The following SYT1 variants were observed in gnomAD, a reference collection of about 807,000 sequenced individuals.
SYT1 encodes synaptotagmin-1.
SYT1 carries 8 observed loss-of-function variants against 44.8 expected under a neutral mutation model. That is an observed-to-expected ratio of 0.18 (90% confidence interval 0.10 to 0.32). The LOEUF (loss-of-function observed/expected upper bound fraction) is 0.32, where lower values mean the gene tolerates loss of function less well. Among genes scored for constraint, SYT1 ranks in the 10% least tolerant of loss-of-function variants. The pLI is 1.00. For synonymous variants in SYT1, 154 were observed against 188.8 expected (o/e 0.82, Z 1.51); for missense variants, 286 against 509.3 (o/e 0.56, Z 4.22).
At chr12:78,904,654 A>G (rs1274799495) in intron 1 of SYT1, among the ~76,000 whole-genome samples, 3 of 152,174 alleles carry the variant, frequency 2.0e-5, no homozygotes, top group Non-Finnish European at 2.9e-5. Context: ...GGGAAGAGAT[A>G]CATATTCCAT....
At chr12:79,284,961 T>A (rs1879236828) in intron 4 of SYT1, among the ~76,000 whole-genome samples, 1 of 152,134 alleles carries the variant, frequency 6.6e-6, no homozygotes, top group African/African-American at 2.4e-5. Flanking sequence ...TGGGTACCAC[T>A]GTAATCTTCA....
At chr12:79,312,732 AC>A (rs1880870956) in intron 8 of SYT1, among the ~76,000 whole-genome samples, 1 of 142,514 alleles carries the variant, frequency 7.0e-6, no homozygotes. Context: ...TTTTGGCACC[AC>A]TTTTTTCTTT....
chr12:79,331,175 C>T (rs1005034789), intron 8 of SYT1, among the ~76,000 whole-genome samples: 3 of 152,142 alleles, frequency 2.0e-5, no homozygotes, highest in Non-Finnish European at 4.4e-5. Flanking sequence ...CACCTATAAG[C>T]GACATCATTG....
At chr12:79,135,173 T>TA (rs1272970585) in intron 3 of SYT1, among the ~76,000 whole-genome samples, 1 of 152,108 alleles carries the variant, frequency 6.6e-6, no homozygotes, top group Admixed American at 6.6e-5. Context: ...TACATATGTA[T>TA]ACATGTGCCA....
chr12:79,109,908 G>A (rs1878920654), intron 3 of SYT1, among the ~76,000 whole-genome samples: 1 of 152,086 alleles, frequency 6.6e-6, no homozygotes, highest in Non-Finnish European at 1.5e-5. Context: ...TGCATCTACA[G>A]CAAGTTTTCC....
At chr12:79,087,344 A>T (rs1218354792) in intron 3 of SYT1, among the ~76,000 whole-genome samples, 1 of 152,148 alleles carries the variant, frequency 6.6e-6, no homozygotes, top group African/African-American at 2.4e-5. Context: ...TAAATAGGAC[A>T]TTTATTTGAA....
intron 9 of SYT1, among the ~76,000 whole-genome samples, chr12:79,398,950 C>T (rs928590331): frequency 6.6e-6 from 1 of 152,104 alleles, no homozygotes; most frequent in South Asian, 2.1e-4. Context: ...AGTCACTGTC[C>T]AGCTCAACAC....
At chr12:78,923,564 T>A (rs184661595) in intron 1 of SYT1, among the ~76,000 whole-genome samples, 2,164 of 150,530 alleles carry the variant, frequency 0.014, 63 homozygotes, top group African/African-American at 0.05. Flanking sequence ...TTAAAAAAAA[T>A]TTATTTTGAC....
intron 3 of SYT1, among the ~76,000 whole-genome samples, chr12:79,052,958 A>G (rs1323232109): frequency 6.6e-6 from 1 of 152,164 alleles, no homozygotes; most frequent in Non-Finnish European, 1.5e-5. Context: ...GTGATTCCTC[A>G]GGGATCTAGA....
chr12:79,344,667 G>A (rs1882528434), intron 8 of SYT1, among the ~76,000 whole-genome samples: 1 of 152,128 alleles, frequency 6.6e-6, no homozygotes, highest in East Asian at 1.9e-4. Context: ...AAGTTGCCCA[G>A]GCTGGTCTCA....
intron 1 of SYT1, among the ~76,000 whole-genome samples, chr12:78,947,410 G>T (rs182844177): frequency 6.6e-6 from 1 of 152,006 alleles, no homozygotes; most frequent in East Asian, 1.9e-4. Context: ...CTGAACTGGG[G>T]GCTCCTCTAA....
At chr12:79,117,714 T>TAA (rs1491222132) in intron 3 of SYT1, among the ~76,000 whole-genome samples, 1 of 87,242 alleles carries the variant, frequency 1.1e-5, no homozygotes. Flanking sequence ...TATATATATA[T>TAA]AAAATAAATA....
chr12:78,941,055 CTTTTTTTTTCTTTT>C lies in SYT1; in HGVS notation c.-216-36734_-216-36721del, dbSNP rs1878327834. Among the ~76,000 whole-genome samples, 4 of 86,020 alleles carry C rather than the reference CTTTTTTTTTCTTTT, an allele frequency of 4.7e-5. No homozygotes were observed. The Admixed American group carries it at 5.2e-4, about 11-fold the overall frequency. 56.4% of individuals were successfully genotyped at this position (86,020 alleles called of 152,430 possible). On this transcript the variant is annotated intron_variant, in intron 1 of 10. Coordinates refer to ENST00000261205, the MANE Select transcript of SYT1 (RefSeq NM_005639.3). The stretch of plus-strand genomic sequence containing the variant: ...TTTTTCTTTTCTTTACTTTTTTTTT[CTTTTTTTTTCTTTT>C]TTTTTTTTTTTTTTGAGATGGAGTC...
intron 1 of SYT1, among the ~76,000 whole-genome samples, chr12:78,918,551 T>C (rs1876800788): frequency 6.6e-6 from 1 of 151,992 alleles, no homozygotes; most frequent in South Asian, 2.1e-4. Context: ...TTGATATGTA[T>C]GGGAAAGGCA....
intron 9 of SYT1, among the ~76,000 whole-genome samples, chr12:79,388,985 A>C (rs1174000523): frequency 1.3e-5 from 2 of 152,216 alleles, no homozygotes; most frequent in Non-Finnish European, 2.9e-5. Context: ...ATTAAGGATG[A>C]GTATCTGCAA....
At chr12:78,921,491 A>G (rs951699676) in intron 1 of SYT1, among the ~76,000 whole-genome samples, 48 of 151,970 alleles carry the variant, frequency 3.2e-4, no homozygotes, top group African/African-American at 1.2e-3. Context: ...CTTAAACCAG[A>G]TTTTTTTTCT....
At chr12:79,156,260 G>T (rs760670169) in intron 3 of SYT1, among the ~76,000 whole-genome samples, 3 of 152,152 alleles carry the variant, frequency 2.0e-5, no homozygotes, top group Admixed American at 6.5e-5. Context: ...GAGCGAGGCC[G>T]TATGACCTCA....
At chr12:79,051,750 A>G (rs1173613753) in intron 3 of SYT1, among the ~76,000 whole-genome samples, 4 of 152,036 alleles carry the variant, frequency 2.6e-5, no homozygotes, top group African/African-American at 9.7e-5. Flanking sequence ...GAAGATCTCT[A>G]TAGTGATATT....
At chr12:79,024,586 C>T (rs1274552158) in intron 2 of SYT1, among the ~76,000 whole-genome samples, 1 of 151,742 alleles carries the variant, frequency 6.6e-6, no homozygotes, top group Non-Finnish European at 1.5e-5. Flanking sequence ...CAAACACTTA[C>T]AGATAAGAAT....
Sources: allele counts gnomAD v4.1 joint callset (sites outside exome capture counted in the v4.1 genomes callset), GRCh38; gene constraint gnomAD v4.1.1; transcripts MANE v1.5; gene names NCBI Gene and HGNC (gene_info 2026-07-23, HGNC 2026-07-21).